C2CD2: variants seen among roughly 807,000 people sequenced by gnomAD.
C2CD2 encodes C2 calcium dependent domain containing 2, also known as C2 domain-containing protein 2.
C2CD2 carries 43 observed loss-of-function variants against 74.3 expected under a neutral mutation model. The observed-to-expected ratio is 0.58, with a 90% CI of 0.45 to 0.75. C2CD2 has a LOEUF of 0.75. Among genes scored for constraint, C2CD2 ranks in the 30% least tolerant of loss-of-function variants. C2CD2 has a pLI of 0.00. For missense variants in C2CD2, 801 were observed against 916.3 expected (o/e 0.87, Z 1.63); for synonymous variants, 422 against 390.7 (o/e 1.08, Z -0.94).
At chr21:41,918,765 C>G in intron 4 of C2CD2, 91 bp downstream of exon 4, 1 of 984,702 alleles carries the variant, frequency 1.0e-6, no homozygotes, top group Admixed American at 1.9e-5. Flanking sequence ...GCCAGCAACA[C>G]CAGCCATGCA....
rs1041871042 is a variant in C2CD2 at position 41,899,983 on chromosome 21, C to G, written c.1561-621G>C. The stretch of plus-strand genomic sequence containing the variant: ...GGGGGCTCCCTGAGGGCCAGTCATG[C>G]TGTTCTTGGTGTGGGTGGCAGTGAC... On this transcript the variant is annotated intron_variant, in intron 12 of 13. Coordinates refer to ENST00000380486, the MANE Select transcript of C2CD2 (RefSeq NM_015500.2). This position sits in a 1 kb window ranked among gnomAD's most constrained non-coding sequence, Gnocchi z 4.4. Among the ~76,000 whole-genome samples, 7 of 152,042 alleles carry G rather than the reference C, an allele frequency of 4.6e-5. No individual in the cohort carries two copies. Among genetic ancestry groups the G allele is most frequent in the Non-Finnish European group, 8.8e-5 (6 of 68,024 alleles).
intron 2 of C2CD2, among the ~76,000 whole-genome samples, chr21:41,925,205 G>A (rs2065197138): frequency 6.6e-6 from 1 of 152,090 alleles, no homozygotes; most frequent in Admixed American, 6.5e-5. Flanking sequence ...AACAATTTAG[G>A]CCGAGTGTGG....
At position 41,916,428 on chromosome 21, in the gene C2CD2, C is replaced by CCT. The variant is rs55974449; in HGVS notation, c.720+1675_720+1676dup. Among the ~76,000 whole-genome samples, 4 of 151,702 alleles carry CCT rather than the reference C, an allele frequency of 2.6e-5. No individual in the cohort carries two copies. In the South Asian group the frequency reaches 6.2e-4, roughly 24 times the overall value. On this transcript the variant is annotated intron_variant, in intron 5 of 13. Transcript: ENST00000380486. ...CAGAAAGGCTGAGTAAAAGGAAACT[C>CCT]CTTCACTGCTTGAGCCGGGAAAGGG...
intron 2 of C2CD2, among the ~76,000 whole-genome samples, chr21:41,932,594 C>T (rs752546402): frequency 3.3e-5 from 5 of 150,510 alleles, no homozygotes; most frequent in Non-Finnish European, 7.4e-5. Context: ...ACCCAGTTGG[C>T]ACCAGAGTTG....
intron 13 of C2CD2, among the ~76,000 whole-genome samples, chr21:41,897,607 C>T (rs531548201): frequency 2.4e-4 from 37 of 152,328 alleles, no homozygotes; most frequent in Middle Eastern, 3.4e-3. Context: ...CAGAGTCCAA[C>T]GGGTCTGAAA....
intron 13 of C2CD2, among the ~76,000 whole-genome samples, chr21:41,897,213 C>T (rs947509173): frequency 2.0e-5 from 3 of 152,196 alleles, no homozygotes; most frequent in African/African-American, 7.2e-5. Flanking sequence ...GGAGGAGGGG[C>T]TGTGTGAAGG....
chr21:41,939,651 C>A lies in C2CD2; in HGVS notation c.378+2496G>T, dbSNP rs1341079288. Among the ~76,000 whole-genome samples, 1 of 152,246 alleles carries A rather than the reference C, an allele frequency of 6.6e-6. No individual in the cohort carries two copies. The highest frequency in any genetic ancestry group is 1.5e-5 in the Non-Finnish European group (1 of 68,044). On this transcript the variant is annotated intron_variant, in intron 2 of 13. Transcript: ENST00000380486. This position sits in a 1 kb window ranked among gnomAD's most constrained non-coding sequence, Gnocchi z 5.5. ...GCTGTGCCAGTCTCAGCATCCCGCACCGCTGCCATGGGCTTCCTCCTGCAA... is the reference window on the plus strand; with the variant it reads ...GCTGTGCCAGTCTCAGCATCCCGCAACGCTGCCATGGGCTTCCTCCTGCAA...
chr21:41,931,962 ACCCCACCTCCAGCATCCCACCT>A (rs1569078043), intron 2 of C2CD2, among the ~76,000 whole-genome samples: 4 of 5,134 alleles, frequency 7.8e-4, no homozygotes, highest in East Asian at 5.1e-3. Flanking sequence ...GCATCCCACC[ACCCCACCTCCAGCATCCCACCT>A]CCCCACCTCC....
Position 41,907,739 on chromosome 21 carries a change from T to A in C2CD2, c.1064A>T (p.Gln355Leu), listed in dbSNP as rs375140832. ...ATVPLDLFKK[Q>L]PSGPQSFTLT... is the part of the protein sequence containing the mutation. ...CGTGAAGCTCTGTGGCCCAGAAGGC[T>A]GCTTCTTAAATAAGTCCAGAGGAAC... is the stretch of plus-strand genomic sequence containing the variant. Residue 355 changes from glutamine (Q) to leucine (L), a missense_variant, in exon 9 of 14, where the codon CAG (glutamine) becomes CTG (leucine). Physicochemically the swap from Gln to Leu is moderately radical, Grantham distance 113. Transcript: ENST00000380486. 6 of 1,613,654 alleles carry A rather than the reference T, an allele frequency of 3.7e-6. No individual in the cohort carries two copies. The African/African-American group carries it at 8.0e-5, about 22-fold the overall frequency.
At chr21:41,909,348 G>A in intron 8 of C2CD2, 111 bp downstream of exon 8, 1 of 690,974 alleles carries the variant, frequency 1.4e-6, no homozygotes, top group Non-Finnish European at 2.6e-6. Flanking sequence ...TCATTTAGAG[G>A]AGGGGTCAGC....
intron 6 of C2CD2, 53 bp from the exon 7 acceptor site, chr21:41,912,493 A>ATTTT (rs71319914): frequency 6.7e-6 from 4 of 599,746 alleles, no homozygotes; most frequent in Non-Finnish European, 9.4e-6. Flanking sequence ...TTATTTATTT[A>ATTTT]TTTTTTTTTT....
In C2CD2 at chr21:41,953,569, G is replaced by A; in HGVS notation, c.80C>T (p.Ala27Val). Residue 27 changes from alanine to valine, a missense_variant, in exon 1 of 14, where the codon GCC (alanine) becomes GTC (valine). Coordinates refer to ENST00000380486, the MANE Select transcript of C2CD2 (RefSeq NM_015500.2). ...ALVSLFVAAL[A>V]TVGLYLAQWA... ...CTGCGCCAGGTACAGGCCTACCGTGGCCAGGGCCGCGACGAAGAGCGACAC... is the reference window on the plus strand; with the variant it reads ...CTGCGCCAGGTACAGGCCTACCGTGACCAGGGCCGCGACGAAGAGCGACAC... 1 of 1,498,426 alleles carries A rather than the reference G, an allele frequency of 6.7e-7. No homozygotes were observed. Among genetic ancestry groups the A allele is most frequent in the Non-Finnish European group, 8.8e-7 (1 of 1,132,904 alleles). 92.8% of individuals were successfully genotyped at this position (1,498,426 alleles called of 1,614,324 possible).
In C2CD2 at chr21:41,892,540, G is replaced by C. The variant is rs1472755158; in HGVS notation, c.1871-3196C>G. On this transcript the variant is annotated intron_variant, in intron 13 of 13. Coordinates refer to ENST00000380486, the MANE Select transcript of C2CD2 (RefSeq NM_015500.2). The surrounding 1 kb of genome is among the most constrained non-coding windows in gnomAD (Gnocchi z 4.6). ...AACATGGAGGAGTGGAGGCGGAGAGGACAGTGAAGCAGCATCCTCAGCCCC... is the reference window on the plus strand; with the variant it reads ...AACATGGAGGAGTGGAGGCGGAGAGCACAGTGAAGCAGCATCCTCAGCCCC... 5.3e-5 allele frequency among the ~76,000 whole-genome samples: 8 copies of C among 152,198 alleles called. No homozygotes were observed. The highest frequency in any genetic ancestry group is 1.0e-4 in the Non-Finnish European group (7 of 68,036).
chr21:41,931,420 G>A (rs1569077817), intron 2 of C2CD2, among the ~76,000 whole-genome samples: 1 of 120,892 alleles, frequency 8.3e-6, no homozygotes, highest in Non-Finnish European at 1.8e-5. Flanking sequence ...CTTTTGAGAA[G>A]AGTGTCTTTT....
intron 3 of C2CD2, among the ~76,000 whole-genome samples, chr21:41,919,725 C>A (rs1444468901): frequency 6.6e-6 from 1 of 152,198 alleles, no homozygotes; most frequent in East Asian, 1.9e-4. Flanking sequence ...TCTAACTGGA[C>A]TCCATCTCTA....
At chr21:41,946,567 GA>G (rs2146233194) in intron 1 of C2CD2, among the ~76,000 whole-genome samples, 1 of 152,300 alleles carries the variant, frequency 6.6e-6, no homozygotes, top group South Asian at 2.1e-4. Context: ...CGCAGAAGCA[GA>G]ACCTGCTATA....
chr21:41,953,721 G>T lies in C2CD2; in HGVS notation c.-73C>A, dbSNP rs1306974886. ...CCGGAACGGCGGACTCAGGACACGCGCTGGCTGCGGCCACAGCGCGCTGGG... is the reference window on the plus strand; with the variant it reads ...CCGGAACGGCGGACTCAGGACACGCTCTGGCTGCGGCCACAGCGCGCTGGG... On this transcript the variant is annotated 5_prime_UTR_variant, in exon 1 of 14. Transcript: ENST00000380486. The T allele has an allele frequency of 5.6e-6, 7 of 1,249,186 alleles. No individual in the cohort carries two copies. The highest frequency in any genetic ancestry group is 7.0e-6 in the Non-Finnish European group (7 of 993,906). The allele number at this position is 1,249,186 out of a possible 1,614,324, so 77.4% of individuals were successfully genotyped here. A position where few individuals can be genotyped will look rare whatever the true frequency, so the allele number is the denominator to read the frequency against.
At position 41,887,106 on chromosome 21, in the gene C2CD2, T is replaced by C. The variant is rs901387638; in HGVS notation, c.*2018A>G. ...GTGTCTGAAATTCTGACACATAATATCCTCTTGGAATTCTTAAATATGTCT... is the reference window on the plus strand; with the variant it reads ...GTGTCTGAAATTCTGACACATAATACCCTCTTGGAATTCTTAAATATGTCT... On this transcript the variant is annotated 3_prime_UTR_variant, in exon 14 of 14. Transcript: ENST00000380486. The C allele has an allele frequency of 2.5e-4, 38 of 152,362 alleles. No homozygotes were observed. The highest frequency in any genetic ancestry group is 8.2e-4 in the African/African-American group (34 of 41,588). The allele number at this position is 152,362 out of a possible 1,614,324, so 9.4% of individuals were successfully genotyped here.
chr21:41,912,834 A>G (rs780040061), intron 6 of C2CD2, among the ~76,000 whole-genome samples: 5 of 152,218 alleles, frequency 3.3e-5, no homozygotes, highest in Non-Finnish European at 7.3e-5. Context: ...ATGCATAGAA[A>G]AAAAAGGCTA....
Sources: allele counts gnomAD v4.1 joint callset (sites outside exome capture counted in the v4.1 genomes callset), GRCh38; gene constraint gnomAD v4.1.1; non-coding constraint Gnocchi (gnomAD v3.1); transcripts MANE v1.5; gene names NCBI Gene and HGNC (gene_info 2026-07-23, HGNC 2026-07-21).